Variants in ELAVL2 observed in about 807,000 individuals in gnomAD.
ELAVL2 encodes ELAV like RNA binding protein 2, also known as ELAV-like protein 2.
ELAVL2 carries 4 observed loss-of-function variants against 34.6 expected under a neutral mutation model. That is an observed-to-expected ratio of 0.12 (90% CI 0.06 to 0.26). The LOEUF is 0.26. ELAVL2 is among the 10% of genes least tolerant of loss of function. The pLI, the probability that ELAVL2 is intolerant of heterozygous loss-of-function variation, is 1.00. For synonymous variants in ELAVL2, 193 were observed against 154.8 expected, an observed-to-expected ratio of 1.25 and a Z score of -1.83; for missense variants, 432 against 442.8, an observed-to-expected ratio of 0.98 and a Z score of 0.22.
At position 23,754,058 on chromosome 9, in the gene ELAVL2, A is replaced by G. The variant is rs16907697; in HGVS notation, c.229+7948T>C. On this transcript the variant is annotated intron_variant, in intron 2 of 6. Transcript: ENST00000397312. ...AAAACTCCTAAACCTCATTTACACCATAGGTTCAACTTTATTTTCCCAGTA... is the reference window on the plus strand; with the variant it reads ...AAAACTCCTAAACCTCATTTACACCGTAGGTTCAACTTTATTTTCCCAGTA... Among the ~76,000 whole-genome samples the G allele has an allele frequency of 7.5e-3, 1,148 of 152,268 alleles. 16 individuals are homozygous for G. The highest frequency in any genetic ancestry group is 0.026 in the African/African-American group (1,067 of 41,542).
At chr9:23,820,573 T>A (rs1346441682) in intron 1 of ELAVL2, among the ~76,000 whole-genome samples, 1 of 152,226 alleles carries the variant, frequency 6.6e-6, no homozygotes, top group Non-Finnish European at 1.5e-5. Context: ...AGCTCGCATC[T>A]AGAGGCATGG....
intron 2 of ELAVL2, among the ~76,000 whole-genome samples, chr9:23,748,483 T>C (rs1388551268): frequency 6.6e-6 from 1 of 152,152 alleles, no homozygotes; most frequent in Non-Finnish European, 1.5e-5. Flanking sequence ...TGGGTTCTTC[T>C]TTCTGACCCA....
chr9:23,757,584 G>A (rs540876653), intron 2 of ELAVL2, among the ~76,000 whole-genome samples: 5 of 151,686 alleles, frequency 3.3e-5, no homozygotes, highest in Admixed American at 2.0e-4. Context: ...CTAGAATGCA[G>A]CATCAGCAGG....
intron 1 of ELAVL2, among the ~76,000 whole-genome samples, chr9:23,762,766 A>G (rs912232415): frequency 6.6e-6 from 1 of 152,164 alleles, no homozygotes; most frequent in Non-Finnish European, 1.5e-5. Context: ...ACTTTTAAAA[A>G]TATAAATTTG....
At chr9:23,759,789 T>TATATATATATAA (rs1351880472) in intron 2 of ELAVL2, among the ~76,000 whole-genome samples, 2 of 106,408 alleles carry the variant, frequency 1.9e-5, no homozygotes, top group African/African-American at 6.1e-5. Context: ...TATATATATA[T>TATATATATATAA]AATGTATAGA....
At chr9:23,747,620 GGCTTT>G (rs1413146980) in intron 2 of ELAVL2, among the ~76,000 whole-genome samples, 2 of 152,116 alleles carry the variant, frequency 1.3e-5, no homozygotes, top group Non-Finnish European at 2.9e-5. Flanking sequence ...CTCAATCAGA[GGCTTT>G]TGGAAACTCC....
At chr9:23,764,966 T>C in intron 1 of ELAVL2, 1 of 1,585,236 alleles carries the variant, frequency 6.3e-7, no homozygotes, top group Non-Finnish European at 8.6e-7. Flanking sequence ...TCCAACATGC[T>C]AAAAAAAAGT....
At chr9:23,732,314 G>A (rs2046774832) in intron 2 of ELAVL2, among the ~76,000 whole-genome samples, 2 of 152,128 alleles carry the variant, frequency 1.3e-5, no homozygotes. Flanking sequence ...AAAAGAGAAG[G>A]CTAAATACAG....
At chr9:23,797,637 A>C (rs1032883604) in intron 1 of ELAVL2, among the ~76,000 whole-genome samples, 11 of 152,236 alleles carry the variant, frequency 7.2e-5, no homozygotes, top group African/African-American at 2.7e-4. Context: ...AGTGAATAAA[A>C]AGTATGGGAT....
intron 2 of ELAVL2, among the ~76,000 whole-genome samples, chr9:23,732,486 A>T (rs1206189089): frequency 6.6e-6 from 1 of 152,216 alleles, no homozygotes; most frequent in Non-Finnish European, 1.5e-5. Flanking sequence ...TCTCACACTA[A>T]AATTGAGGTT....
intron 2 of ELAVL2, among the ~76,000 whole-genome samples, chr9:23,756,553 C>A (rs1303447889): frequency 6.6e-6 from 1 of 152,052 alleles, no homozygotes; most frequent in Non-Finnish European, 1.5e-5. Flanking sequence ...AACCTAATTA[C>A]ACTTAAACAC....
At chr9:23,765,930 T>G (rs1000534084) in intron 1 of ELAVL2, among the ~76,000 whole-genome samples, 2 of 152,150 alleles carry the variant, frequency 1.3e-5, no homozygotes, top group Non-Finnish European at 2.9e-5. Context: ...TTATTGAAAC[T>G]TGCCCAAATA....
At chr9:23,799,110 T>C (rs546967312) in intron 1 of ELAVL2, among the ~76,000 whole-genome samples, 78 of 152,316 alleles carry the variant, frequency 5.1e-4, no homozygotes, top group African/African-American at 1.8e-3. Context: ...ACAGACATAA[T>C]ATGACTAGAA....
chr9:23,830,430 G>A (rs924174690), upstream of ELAVL2, among the ~76,000 whole-genome samples: 7 of 152,106 alleles, frequency 4.6e-5, no homozygotes, highest in South Asian at 2.1e-4. Flanking sequence ...GGGAAAGACT[G>A]TAAAGTAAGA....
At chr9:23,841,942 A>T in the ELAVL2 span, among the ~76,000 whole-genome samples, 1 of 152,138 alleles carries the variant, frequency 6.6e-6, no homozygotes. Context: ...TTTCAATATG[A>T]TTCTCGAAAG....
intron 1 of ELAVL2, among the ~76,000 whole-genome samples, chr9:23,763,320 A>G (rs981630903): frequency 4.6e-5 from 7 of 152,264 alleles, no homozygotes; most frequent in African/African-American, 1.4e-4. Flanking sequence ...ATCCTATGCA[A>G]AAGAGTCACA....
At chr9:23,771,219 A>G (rs763377264) in intron 1 of ELAVL2, among the ~76,000 whole-genome samples, 1 of 152,204 alleles carries the variant, frequency 6.6e-6, no homozygotes, top group Non-Finnish European at 1.5e-5. Flanking sequence ...CCCAGAAGAA[A>G]ACACATTATT....
At chr9:23,818,255 T>C (rs1022638340) in intron 1 of ELAVL2, among the ~76,000 whole-genome samples, 1 of 151,974 alleles carries the variant, frequency 6.6e-6, no homozygotes, top group Non-Finnish European at 1.5e-5. Context: ...CTATAATATA[T>C]CAACAAAGCA....
At chr9:23,795,169 C>T (rs2060766630) in intron 1 of ELAVL2, among the ~76,000 whole-genome samples, 1 of 152,136 alleles carries the variant, frequency 6.6e-6, no homozygotes, top group African/African-American at 2.4e-5. Context: ...ACCACAGGCT[C>T]ATTATAATTA....
Sources: gnomAD v4.1 joint callset for allele counts (sites outside exome capture counted in the v4.1 genomes callset) on GRCh38, gnomAD v4.1.1 for gene constraint, MANE v1.5 for transcripts, NCBI Gene and HGNC (gene_info 2026-07-23, HGNC 2026-07-21) for gene names.